Variants in ROBO2 observed in about 807,000 individuals in gnomAD.
The protein encoded by ROBO2 is roundabout homolog 2.
A neutral mutation model predicts 160.8 loss-of-function variants in ROBO2; 53 were observed. That is an observed-to-expected ratio of 0.33 (90% CI 0.26 to 0.41). The LOEUF (loss-of-function observed/expected upper bound fraction) is 0.41. Ranked by LOEUF, ROBO2 falls within the 10% of genes least tolerant of loss-of-function variation. ROBO2 has a pLI of 1.00. For missense variants in ROBO2, 1,577 were observed against 1,722.4 expected, an observed-to-expected ratio of 0.92 and a Z score of 1.49; for synonymous variants, 664 against 611.7, an observed-to-expected ratio of 1.09 and a Z score of -1.26.
intron 2 of ROBO2, among the ~76,000 whole-genome samples, chr3:76,892,615 C>T (rs951352993): frequency 1.3e-5 from 2 of 152,116 alleles, no homozygotes; most frequent in Non-Finnish European, 2.9e-5. Flanking sequence ...TATGCTTTGT[C>T]CTGTCTCTCT....
Position 76,273,218 on chromosome 3 carries a change from T to C in ROBO2, c.109+335616T>C, listed in dbSNP as rs146173091. ...TGTTAGAGTTCTCCACTTATCTAAG[T>C]ATGACTTCTACAGTGAGACTCATTC... On this transcript the variant is annotated intron_variant, in intron 2 of 26. Transcript: ENST00000487694. Among the ~76,000 whole-genome samples the C allele has an allele frequency of 7.9e-4, 117 of 147,368 alleles. 2 individuals carry two copies. In the East Asian group the frequency reaches 0.018, roughly 23 times the overall value.
chr3:77,204,269 T>C (rs985904846), intron 2 of ROBO2, among the ~76,000 whole-genome samples: 1 of 152,218 alleles, frequency 6.6e-6, no homozygotes, highest in Non-Finnish European at 1.5e-5. Flanking sequence ...TCCCTGATCA[T>C]AACATGGCAT....
intron 2 of ROBO2, among the ~76,000 whole-genome samples, chr3:77,441,392 C>T (rs1229465300): frequency 1.3e-5 from 2 of 151,230 alleles, no homozygotes; most frequent in Non-Finnish European, 1.5e-5. Flanking sequence ...TATACACACA[C>T]ATATACCTAT....
intron 4 of ROBO2, among the ~76,000 whole-genome samples, chr3:77,485,674 T>C (rs2085267336): frequency 6.6e-6 from 1 of 152,156 alleles, no homozygotes; most frequent in Admixed American, 6.5e-5. Context: ...TTTTCTTTTC[T>C]CTAATTCCTC....
chr3:76,858,266 TCAGTA>T (rs2070358411), intron 2 of ROBO2, among the ~76,000 whole-genome samples: 1 of 152,038 alleles, frequency 6.6e-6, no homozygotes, highest in African/African-American at 2.4e-5. Flanking sequence ...AAACAAACAC[TCAGTA>T]AATAGCTTTG....
chr3:77,537,445 C>T (rs2092196943), intron 6 of ROBO2, among the ~76,000 whole-genome samples: 1 of 152,026 alleles, frequency 6.6e-6, no homozygotes, highest in Non-Finnish European at 1.5e-5. Flanking sequence ...TGAGACCTCT[C>T]ATGGGTGTAG....
chr3:77,307,297 AC>A (rs1271475025), intron 2 of ROBO2, among the ~76,000 whole-genome samples: 1 of 152,150 alleles, frequency 6.6e-6, no homozygotes, highest in Non-Finnish European at 1.5e-5. Context: ...CACTAATATT[AC>A]TTTTTATTTA....
intron 2 of ROBO2, among the ~76,000 whole-genome samples, chr3:76,433,048 G>T (rs1022399593): frequency 1.3e-5 from 2 of 152,102 alleles, no homozygotes; most frequent in Admixed American, 6.6e-5. Flanking sequence ...ATTATTTAAG[G>T]TTTGCCAAAG....
chr3:77,459,402 A>C (rs1157697064), intron 2 of ROBO2, among the ~76,000 whole-genome samples: 1 of 152,208 alleles, frequency 6.6e-6, no homozygotes, highest in South Asian at 2.1e-4. Context: ...GAAATTCGTT[A>C]TTCATCTGTT....
At chr3:76,278,361 T>C (rs1265516191) in intron 2 of ROBO2, among the ~76,000 whole-genome samples, 2 of 152,000 alleles carry the variant, frequency 1.3e-5, no homozygotes, top group Non-Finnish European at 2.9e-5. Flanking sequence ...TCTAATAAAC[T>C]GGAAAAGCCC....
At chr3:76,523,697 C>G (rs1007012226) in intron 2 of ROBO2, among the ~76,000 whole-genome samples, 3 of 152,024 alleles carry the variant, frequency 2.0e-5, no homozygotes, top group Non-Finnish European at 4.4e-5. Context: ...TTTATTATCT[C>G]TTTTCTGGTG....
At chr3:76,655,322 A>C (rs1300537125) in intron 2 of ROBO2, among the ~76,000 whole-genome samples, 2 of 150,310 alleles carry the variant, frequency 1.3e-5, no homozygotes, top group African/African-American at 4.9e-5. Context: ...TATTAATACA[A>C]AGTTTAATGA....
chr3:76,775,418 A>G (rs2108544198), intron 2 of ROBO2, among the ~76,000 whole-genome samples: 1 of 151,038 alleles, frequency 6.6e-6, no homozygotes, highest in South Asian at 2.1e-4. Flanking sequence ...AATAGGTATT[A>G]AGTTTATTTG....
chr3:77,083,309 A>G (rs971419171), intron 1 of ROBO2, among the ~76,000 whole-genome samples: 1 of 152,162 alleles, frequency 6.6e-6, no homozygotes, highest in Non-Finnish European at 1.5e-5. Context: ...GGCAACTTGT[A>G]TGATTCTGGA....
intron 2 of ROBO2, among the ~76,000 whole-genome samples, chr3:76,722,353 C>T (rs2093478987): frequency 1.3e-5 from 2 of 152,108 alleles, no homozygotes; most frequent in African/African-American, 2.4e-5. Flanking sequence ...AACTCCTGAC[C>T]TCATGATCCG....
At chr3:75,928,521 T>C (rs767059841) in intron 1 of ROBO2, among the ~76,000 whole-genome samples, 4 of 152,192 alleles carry the variant, frequency 2.6e-5, no homozygotes, top group Admixed American at 2.0e-4. Context: ...CACAGGCAGG[T>C]TGTTTCCATT....
At chr3:76,999,319 G>C (rs2061210172) in intron 2 of ROBO2, among the ~76,000 whole-genome samples, 1 of 151,992 alleles carries the variant, frequency 6.6e-6, no homozygotes, top group Non-Finnish European at 1.5e-5. Flanking sequence ...GGCACTCAAG[G>C]TTATTACGAA....
chr3:76,342,476 A>T (rs767271458), intron 2 of ROBO2, among the ~76,000 whole-genome samples: 47 of 152,114 alleles, frequency 3.1e-4, no homozygotes, highest in Non-Finnish European at 6.3e-4. Flanking sequence ...CAGGAGAACT[A>T]TGAGTGTAGG....
At position 76,870,527 on chromosome 3, in the gene ROBO2, C is replaced by T. The variant is rs536985579; in HGVS notation, c.110-227487C>T. 2.0e-5 allele frequency among the ~76,000 whole-genome samples: 3 copies of T among 152,336 alleles called. No homozygotes were observed. In the South Asian group the frequency reaches 6.2e-4, roughly 32 times the overall value. ...TGAGATGTGTGAGGATTATCTCTGG[C>T]TATGGATCCAGAGGATCTCTCTGCT... On this transcript the variant is annotated intron_variant, in intron 2 of 26. Transcript: ENST00000487694.
Sources: gnomAD v4.1 joint callset for allele counts (sites outside exome capture counted in the v4.1 genomes callset) on GRCh38, gnomAD v4.1.1 for gene constraint, MANE v1.5 for transcripts, NCBI Gene and HGNC (gene_info 2026-07-23, HGNC 2026-07-21) for gene names.